Variants in RFTN1 observed in about 807,000 individuals in gnomAD.
The protein encoded by RFTN1 is raftlin, lipid raft linker 1.
In RFTN1, 26 loss-of-function variants were observed where a neutral mutation model predicts 46.5. The ratio of observed to expected loss-of-function variants is 0.56; its 90% CI spans 0.41 to 0.78. The LOEUF (loss-of-function observed/expected upper bound fraction) is 0.78, where lower values mean the gene tolerates loss of function less well. RFTN1 is among the 30% of genes least tolerant of loss of function. The pLI is 0.00. For missense variants in RFTN1, 693 were observed against 718.7 expected, an observed-to-expected ratio of 0.96 and a Z score of 0.41; for synonymous variants, 261 against 284.2, an observed-to-expected ratio of 0.92 and a Z score of 0.82.
Position 16,337,672 on chromosome 3 carries a change from G to A in RFTN1, c.1147-10796C>T, listed in dbSNP as rs781008925. Among the ~76,000 whole-genome samples the A allele has an allele frequency of 2.0e-5, 3 of 151,146 alleles. No individual in the cohort carries two copies. The highest frequency in any genetic ancestry group is 7.3e-5 in the African/African-American group (3 of 40,920). Reference sequence around the variant, plus strand: ...CAGGAGAATCGCTTGAACCCAGGAGGCGGAGGTTGCAGTGAGCCCAGATTG... The same window carrying A: ...CAGGAGAATCGCTTGAACCCAGGAGACGGAGGTTGCAGTGAGCCCAGATTG... On this transcript the variant is annotated intron_variant, in intron 7 of 9. Transcript: ENST00000334133. The surrounding 1 kb of genome is among the most constrained non-coding windows in gnomAD (Gnocchi z 5.0).
intron 2 of RFTN1, among the ~76,000 whole-genome samples, chr3:16,491,749 AAAAC>A (rs150594734): frequency 0.016 from 2,365 of 151,744 alleles, 46 homozygotes; most frequent in African/African-American, 0.048. Context: ...CACGATGCAA[AAAAC>A]AAACAAACAA....
rs1374426164 is a variant in RFTN1, at chr3:16,400,489, T to A, written c.441+8886A>T. 1.3e-5 allele frequency among the ~76,000 whole-genome samples: 2 copies of A among 152,230 alleles called. No individual in the cohort carries two copies. The highest frequency in any genetic ancestry group is 3.8e-4 in the East Asian group (2 of 5,204). On this transcript the variant is annotated intron_variant, in intron 4 of 9. Transcript: ENST00000334133. The surrounding 1 kb of genome is among the most constrained non-coding windows in gnomAD (Gnocchi z 4.5). The stretch of plus-strand genomic sequence containing the variant: ...TCTGTGTCTGTGCCCTCAGCTAGAC[T>A]CTAAGTTTCACGTGTCCAGGGCATT...
At chr3:16,355,227 T>G (rs2072360224) in intron 7 of RFTN1, among the ~76,000 whole-genome samples, 1 of 152,200 alleles carries the variant, frequency 6.6e-6, no homozygotes, top group African/African-American at 2.4e-5. Context: ...CCAAAGTCAT[T>G]TCTACACTTT....
At chr3:16,333,749 TGAAAA>T (rs1254282219) in intron 7 of RFTN1, among the ~76,000 whole-genome samples, 1 of 151,758 alleles carries the variant, frequency 6.6e-6, no homozygotes, top group East Asian at 1.9e-4. Context: ...TTGTAAAAAT[TGAAAA>T]GAAAAAATCC....
intron 4 of RFTN1, among the ~76,000 whole-genome samples, chr3:16,406,016 T>C (rs140415877): frequency 3.5e-4 from 54 of 152,322 alleles, no homozygotes; most frequent in African/African-American, 1.2e-3. Flanking sequence ...AAGCTATTCA[T>C]TAAATATTTG....
chr3:16,349,307 T>A (rs540457416), intron 7 of RFTN1: 2 of 152,164 alleles, frequency 1.3e-5, no homozygotes, highest in South Asian at 4.1e-4. Flanking sequence ...CACCCTAAGA[T>A]AAAAGTTGGA....
At chr3:16,326,467 G>A (rs535414787) in intron 8 of RFTN1, among the ~76,000 whole-genome samples, 1 of 152,344 alleles carries the variant, frequency 6.6e-6, no homozygotes, top group South Asian at 2.1e-4. Context: ...CACATAGTAG[G>A]TGCTGAATTT....
chr3:16,430,726 C>T (rs1018282534), intron 3 of RFTN1, among the ~76,000 whole-genome samples: 1 of 152,142 alleles, frequency 6.6e-6, no homozygotes, highest in Non-Finnish European at 1.5e-5. Context: ...ATCTGCTTGT[C>T]CAGGAGTTGA....
rs1462019813 is a variant in RFTN1 at position 16,500,866 on chromosome 3, G to A, written c.-8-6989C>T. On this transcript the variant is annotated intron_variant, in intron 1 of 9. Coordinates refer to ENST00000334133, the MANE Select transcript of RFTN1 (RefSeq NM_015150.2). This position sits in a 1 kb window ranked among gnomAD's most constrained non-coding sequence, Gnocchi z 5.9. ...GAAACACTAAAACTGGGAAGGCCAG[G>A]CCCTGCCCTCAGGGAGATCACAGAG... 6.6e-6 allele frequency among the ~76,000 whole-genome samples: 1 copy of A among 152,176 alleles called. No homozygotes were observed.
In RFTN1 at chr3:16,421,728, A is replaced by G. The variant is rs1314680955; in HGVS notation, c.332+12123T>C. ...GACGGGTCAGTGTAGCCATTTCCAC[A>G]TGAGAGAGAGAAGGATTTTACATTT... On this transcript the variant is annotated intron_variant, in intron 3 of 9. Transcript: ENST00000334133. The surrounding 1 kb of genome is among the most constrained non-coding windows in gnomAD (Gnocchi z 4.6). 6.6e-6 allele frequency among the ~76,000 whole-genome samples: 1 copy of G among 152,194 alleles called. No homozygotes were observed. The highest frequency in any genetic ancestry group is 2.4e-5 in the African/African-American group (1 of 41,444).
rs1218972684 is a variant in RFTN1 at position 16,337,796 on chromosome 3, A to G, written c.1147-10920T>C. On this transcript the variant is annotated intron_variant, in intron 7 of 9. Coordinates refer to ENST00000334133, the MANE Select transcript of RFTN1 (RefSeq NM_015150.2). This position sits in a 1 kb window ranked among gnomAD's most constrained non-coding sequence, Gnocchi z 5.0. Reference sequence around the variant, plus strand: ...CCTCATTTGATTTGAGAGAAATACAATGATATAGTTACTGCTGAAGGGGAG... The same window carrying G: ...CCTCATTTGATTTGAGAGAAATACAGTGATATAGTTACTGCTGAAGGGGAG... Among the ~76,000 whole-genome samples the G allele has an allele frequency of 6.6e-6, 1 of 152,090 alleles. No individual in the cohort carries two copies. Among genetic ancestry groups the G allele is most frequent in the Non-Finnish European group, 1.5e-5 (1 of 68,010 alleles).
intron 1 of RFTN1, among the ~76,000 whole-genome samples, chr3:16,511,348 A>G (rs2125018880): frequency 6.6e-6 from 1 of 152,384 alleles, no homozygotes; most frequent in African/African-American, 2.4e-5. Flanking sequence ...TAAAATGTTT[A>G]GGAATGACCT....
At chr3:16,496,427 GC>G (rs2124997562) in intron 1 of RFTN1, among the ~76,000 whole-genome samples, 1 of 152,298 alleles carries the variant, frequency 6.6e-6, no homozygotes, top group East Asian at 1.9e-4. Context: ...CAGGTGAAAT[GC>G]CCCAACAAAC....
In RFTN1 at chr3:16,329,416, G is replaced by A. The variant is rs2070071850; in HGVS notation, c.1147-2540C>T. 6.6e-6 allele frequency among the ~76,000 whole-genome samples: 1 copy of A among 152,206 alleles called. No homozygotes were observed. The highest frequency in any genetic ancestry group is 1.5e-5 in the Non-Finnish European group (1 of 68,036). On this transcript the variant is annotated intron_variant, in intron 7 of 9. Coordinates refer to ENST00000334133, the MANE Select transcript of RFTN1 (RefSeq NM_015150.2). This position sits in a 1 kb window ranked among gnomAD's most constrained non-coding sequence, Gnocchi z 4.5. ...GAGGGAAGGGAGGAAAGGAGAGAGA[G>A]GTACAAGAATAATCCGTTTACAGGT...
At chr3:16,330,947 C>T (rs747900351) in intron 7 of RFTN1, among the ~76,000 whole-genome samples, 21 of 152,196 alleles carry the variant, frequency 1.4e-4, no homozygotes, top group Admixed American at 2.0e-4. Flanking sequence ...CTCTTCTTTT[C>T]TCCTGTGTTT....
intron 9 of RFTN1, 113 bp downstream of exon 9, chr3:16,323,263 G>A (rs1425730202): frequency 1.3e-6 from 1 of 742,174 alleles, no homozygotes; most frequent in East Asian, 2.7e-5. Context: ...TGTTCCTTGG[G>A]CTCTGCGAGC....
rs2076358980 is a variant in RFTN1 at position 16,481,073 on chromosome 3, G to C, written c.145+12652C>G. Reference sequence around the variant, plus strand: ...CAAGACTGAGTAGTGTTGCTTCTTGGTCTGGATTTAGAGTAGCTGGGAAAA... The same window carrying C: ...CAAGACTGAGTAGTGTTGCTTCTTGCTCTGGATTTAGAGTAGCTGGGAAAA... On this transcript the variant is annotated intron_variant, in intron 2 of 9. Transcript: ENST00000334133. This position sits in a 1 kb window ranked among gnomAD's most constrained non-coding sequence, Gnocchi z 5.1. Among the ~76,000 whole-genome samples the C allele has an allele frequency of 6.6e-6, 1 of 151,818 alleles. No homozygotes were observed. Among genetic ancestry groups the C allele is most frequent in the Admixed American group, 6.6e-5 (1 of 15,236 alleles).
chr3:16,436,397 C>A (rs1382027976), intron 2 of RFTN1, among the ~76,000 whole-genome samples: 1 of 151,102 alleles, frequency 6.6e-6, no homozygotes, highest in African/African-American at 2.4e-5. Flanking sequence ...CTCTCTGTTG[C>A]CCAGGCTGGA....
intron 4 of RFTN1, among the ~76,000 whole-genome samples, chr3:16,392,802 A>G (rs1303655544): frequency 2.6e-5 from 4 of 152,222 alleles, no homozygotes; most frequent in Middle Eastern, 3.4e-3. Context: ...CAACCCTCAC[A>G]AGTCACTTCC....
Sources: allele counts gnomAD v4.1 joint callset (sites outside exome capture counted in the v4.1 genomes callset), GRCh38; gene constraint gnomAD v4.1.1; non-coding constraint Gnocchi (gnomAD v3.1); transcripts MANE v1.5; gene names NCBI Gene and HGNC (gene_info 2026-07-23, HGNC 2026-07-21).